The following PCDH15 variants were observed in gnomAD, a reference collection of about 807,000 sequenced individuals.
The protein encoded by PCDH15 is protocadherin related 15, also known as protocadherin-15.
PCDH15 carries 129 observed loss-of-function variants against 178.5 expected under a neutral mutation model. The observed-to-expected ratio is 0.72, with a 90% CI of 0.63 to 0.84. The LOEUF (loss-of-function observed/expected upper bound fraction) is 0.84. PCDH15 is among the 40% of genes least tolerant of loss of function. The probability of loss-of-function intolerance (pLI) is 0.00; values close to 1 mark genes in which losing one functional copy is unlikely to be tolerated. For synonymous variants in PCDH15, 800 were observed against 732.0 expected (o/e 1.09, Z -1.50); for missense variants, 2,230 against 2,099.9 (o/e 1.06, Z -1.21).
chr10:54,236,709 C>A (rs1003720995), intron 9 of PCDH15, 114 bp downstream of exon 9: 7 of 909,492 alleles, frequency 7.7e-6, no homozygotes, highest in African/African-American at 3.3e-5. Context: ...ACAAAAGTAA[C>A]AATCATGTCA....
At chr10:55,244,375 A>G (rs1018677923) in intron 1 of PCDH15, among the ~76,000 whole-genome samples, 26 of 152,138 alleles carry the variant, frequency 1.7e-4, no homozygotes, top group Non-Finnish European at 1.0e-4. Context: ...TAGAAATAAT[A>G]GAAGAAAACA....
intron 3 of PCDH15, among the ~76,000 whole-genome samples, chr10:54,850,931 T>C (rs1430794114): frequency 6.6e-6 from 1 of 152,188 alleles, no homozygotes; most frequent in East Asian, 1.9e-4. Flanking sequence ...AATGTGGCAG[T>C]TGACTGTAGA....
intron 3 of PCDH15, among the ~76,000 whole-genome samples, chr10:54,467,297 A>T (rs2077582797): frequency 6.6e-6 from 1 of 151,602 alleles, no homozygotes. Context: ...TGAGTTTTTC[A>T]CATATGGCCT....
chr10:55,441,984 C>T (rs1237415742), intron 2 of PCDH15, among the ~76,000 whole-genome samples: 1 of 151,992 alleles, frequency 6.6e-6, no homozygotes, highest in East Asian at 1.9e-4. Context: ...CAGCCCCCAG[C>T]AGGTGGAAGA....
chr10:54,316,843 C>T (rs532089393), intron 8 of PCDH15, among the ~76,000 whole-genome samples: 14 of 152,222 alleles, frequency 9.2e-5, no homozygotes, highest in South Asian at 2.1e-4. Context: ...TACCTTCAAA[C>T]GGCCAAACAT....
At chr10:54,420,203 G>A (rs766141301) in intron 3 of PCDH15, among the ~76,000 whole-genome samples, 7 of 151,930 alleles carry the variant, frequency 4.6e-5, no homozygotes, top group Non-Finnish European at 7.4e-5. Flanking sequence ...TTAATATGTT[G>A]CCCATAATGC....
At chr10:54,191,119 T>G (rs2133872635) in intron 11 of PCDH15, among the ~76,000 whole-genome samples, 1 of 152,294 alleles carries the variant, frequency 6.6e-6, no homozygotes, top group South Asian at 2.1e-4. Flanking sequence ...GTGACTGAAT[T>G]TATGAGTTTA....
chr10:54,183,498 T>A lies in PCDH15; in HGVS notation c.1536A>T (p.Ile512=). The A allele has an allele frequency of 6.2e-7, 1 of 1,613,832 alleles. No homozygotes were observed. Among genetic ancestry groups the A allele is most frequent in the Non-Finnish European group, 8.5e-7 (1 of 1,179,768 alleles). Residue 512 remains isoleucine, a synonymous_variant, in exon 13 of 38, where the codon ATA becomes ATT. Coordinates refer to ENST00000644397, the MANE Select transcript of PCDH15 (RefSeq NM_001384140.1). ...ANDNTPTFPE[I]SYDVYVYTDM... ...CTGTATAAACATACACATCATAGGATATTTCAGGGAAGGTTGGCGTGTTAT... is the reference window on the plus strand; with the variant it reads ...CTGTATAAACATACACATCATAGGAAATTTCAGGGAAGGTTGGCGTGTTAT...
intron 3 of PCDH15, among the ~76,000 whole-genome samples, chr10:54,887,367 T>C (rs534552928): frequency 6.6e-6 from 1 of 152,166 alleles, no homozygotes; most frequent in African/African-American, 2.4e-5. Context: ...TATAGCTGTA[T>C]ATAAACAAAC....
At chr10:55,183,709 A>G (rs1241705176) in intron 1 of PCDH15, among the ~76,000 whole-genome samples, 1 of 151,372 alleles carries the variant, frequency 6.6e-6, no homozygotes, top group East Asian at 1.9e-4. Context: ...AGAATGGTTT[A>G]TGCTATCAGA....
At chr10:54,267,607 A>G (rs915749331) in intron 8 of PCDH15, among the ~76,000 whole-genome samples, 2 of 151,932 alleles carry the variant, frequency 1.3e-5, no homozygotes, top group African/African-American at 4.8e-5. Context: ...TACAAAAAGC[A>G]GTAGTATTTC....
intron 28 of PCDH15, among the ~76,000 whole-genome samples, chr10:53,854,049 G>A (rs1056933830): frequency 6.6e-6 from 1 of 151,978 alleles, no homozygotes; most frequent in Admixed American, 6.6e-5. Flanking sequence ...ACAGAATGTG[G>A]TATGTATTGA....
intron 15 of PCDH15, among the ~76,000 whole-genome samples, chr10:54,107,402 G>A (rs1876324): frequency 0.78 from 118,206 of 152,178 alleles, 47,030 homozygotes; most frequent in African/African-American, 0.92. Context: ...CTCCTATTGC[G>A]GGTATGGGCT....
At chr10:55,096,488 G>A (rs1842452878) in intron 2 of PCDH15, among the ~76,000 whole-genome samples, 2 of 152,072 alleles carry the variant, frequency 1.3e-5, no homozygotes, top group East Asian at 1.9e-4. Context: ...TTTTGTGTGC[G>A]TGTTGTAACA....
chr10:54,851,202 G>T (rs947801729), intron 3 of PCDH15, among the ~76,000 whole-genome samples: 2 of 152,018 alleles, frequency 1.3e-5, no homozygotes, highest in African/African-American at 4.8e-5. Context: ...CACATTGCAT[G>T]CCTGTATCAA....
chr10:54,336,907 G>A (rs1054457610), intron 6 of PCDH15, among the ~76,000 whole-genome samples: 1 of 152,126 alleles, frequency 6.6e-6, no homozygotes, highest in African/African-American at 2.4e-5. Context: ...GCAGCCAGGA[G>A]GGAGGCTGTA....
chr10:55,193,817 A>T (rs915934450), intron 1 of PCDH15, among the ~76,000 whole-genome samples: 1 of 151,926 alleles, frequency 6.6e-6, no homozygotes, highest in Non-Finnish European at 1.5e-5. Flanking sequence ...TTTCAATTAT[A>T]TTATATATAT....
chr10:54,861,556 T>C (rs1281372864), intron 3 of PCDH15, among the ~76,000 whole-genome samples: 2 of 152,040 alleles, frequency 1.3e-5, no homozygotes, highest in Non-Finnish European at 2.9e-5. Flanking sequence ...TTCATAATAA[T>C]AAAGGCCATA....
At chr10:54,832,053 T>G (rs1457264834) in intron 3 of PCDH15, among the ~76,000 whole-genome samples, 1 of 152,166 alleles carries the variant, frequency 6.6e-6, no homozygotes, top group African/African-American at 2.4e-5. Flanking sequence ...ATAAACTTGT[T>G]TACAGTTTTT....
Sources: gnomAD v4.1 joint callset for allele counts (sites outside exome capture counted in the v4.1 genomes callset) on GRCh38, gnomAD v4.1.1 for gene constraint, MANE v1.5 for transcripts, NCBI Gene and HGNC (gene_info 2026-07-23, HGNC 2026-07-21) for gene names.